Variants in NRG1 observed in about 807,000 individuals in gnomAD.
NRG1 encodes the protein pro-neuregulin-1, membrane-bound isoform.
In NRG1, 18 loss-of-function variants were observed where a neutral mutation model predicts 63.8. That is an observed-to-expected ratio of 0.28 (90% CI 0.19 to 0.42). NRG1 has a LOEUF of 0.42. Ranked by LOEUF, NRG1 falls within the 10% of genes least tolerant of loss-of-function variation. The pLI is 1.00. For missense variants in NRG1, 762 were observed against 814.7 expected, an observed-to-expected ratio of 0.94 and a Z score of 0.79; for synonymous variants, 302 against 301.3, an observed-to-expected ratio of 1.00 and a Z score of -0.02.
intron 1 of NRG1, among the ~76,000 whole-genome samples, chr8:32,020,246 T>C (rs886545358): frequency 6.6e-6 from 1 of 152,222 alleles, no homozygotes; most frequent in African/African-American, 2.4e-5. Context: ...TCCTAAGTAT[T>C]TGTTTTTGAT....
At chr8:32,474,663 TTG>T (rs996165149) in intron 1 of NRG1, among the ~76,000 whole-genome samples, 14 of 151,778 alleles carry the variant, frequency 9.2e-5, no homozygotes, top group South Asian at 2.1e-4. Context: ...TAGCTAATTT[TTG>T]TGTGTGTGTG....
intron 1 of NRG1, among the ~76,000 whole-genome samples, chr8:32,516,554 C>G (rs1588077300): frequency 6.6e-6 from 1 of 152,142 alleles, no homozygotes; most frequent in South Asian, 2.1e-4. Context: ...TCTTCCAATC[C>G]ATGAACATGG....
rs567237285 is a variant in NRG1, at chr8:31,842,932, T to C, written c.37+203501T>C. Reference sequence around the variant, plus strand: ...CAGTCCCACCAAACCCTGGATTTCATAGGATGTCCCAGACAATGAGAAATG... The same window carrying C: ...CAGTCCCACCAAACCCTGGATTTCACAGGATGTCCCAGACAATGAGAAATG... On this transcript the variant is annotated intron_variant, in intron 1 of 10. Transcript: ENST00000519301. 1.2e-4 allele frequency among the ~76,000 whole-genome samples: 19 copies of C among 152,272 alleles called. No individual in the cohort carries two copies. The East Asian group carries it at 3.1e-3, about 25-fold the overall frequency.
intron 1 of NRG1, among the ~76,000 whole-genome samples, chr8:31,897,239 A>G (rs1278990502): frequency 6.6e-6 from 1 of 152,092 alleles, no homozygotes; most frequent in Non-Finnish European, 1.5e-5. Flanking sequence ...GGGGAGTAGG[A>G]CATGCCTCAA....
At position 31,948,790 on chromosome 8, in the gene NRG1, C is replaced by A. The variant is rs577298003; in HGVS notation, c.37+309359C>A. ...CTTGGCAGCCTGTAGGTGATTCATG[C>A]CACGAGAAGCCTTTCCCCTGCCCCC... On this transcript the variant is annotated intron_variant, in intron 1 of 10. Coordinates refer to the NRG1 transcript ENST00000519301. Among the ~76,000 whole-genome samples, 3 of 152,140 alleles carry A rather than the reference C, an allele frequency of 2.0e-5. No individual in the cohort carries two copies. The East Asian group carries it at 5.8e-4, about 30-fold the overall frequency.
intron 5 of NRG1, among the ~76,000 whole-genome samples, chr8:32,680,087 A>G (rs765814451): frequency 2.0e-5 from 3 of 152,192 alleles, no homozygotes; most frequent in Non-Finnish European, 4.4e-5. Flanking sequence ...AATTAAAGTA[A>G]TGAGTTGAAT....
chr8:31,851,347 T>A (rs1387835731), intron 1 of NRG1, among the ~76,000 whole-genome samples: 1 of 152,188 alleles, frequency 6.6e-6, no homozygotes, highest in South Asian at 2.1e-4. Context: ...TCTGTAAAAA[T>A]TGGACACCAT....
intron 1 of NRG1, among the ~76,000 whole-genome samples, chr8:32,570,052 C>G (rs995135503): frequency 2.6e-5 from 4 of 151,772 alleles, no homozygotes; most frequent in African/African-American, 4.8e-5. Flanking sequence ...GGATTACAGG[C>G]ACACACCATC....
intron 1 of NRG1, among the ~76,000 whole-genome samples, chr8:32,045,950 T>C (rs947716260): frequency 3.3e-5 from 5 of 152,030 alleles, no homozygotes; most frequent in African/African-American, 1.2e-4. Context: ...AATTGGACTT[T>C]ATACAAATTT....
chr8:32,420,240 G>T (rs1018261921), intron 1 of NRG1, among the ~76,000 whole-genome samples: 1 of 152,120 alleles, frequency 6.6e-6, no homozygotes, highest in African/African-American at 2.4e-5. Flanking sequence ...CTTAATGGTG[G>T]CTTGTGGCTC....
intron 1 of NRG1, among the ~76,000 whole-genome samples, chr8:31,720,116 C>T (rs923909780): frequency 2.0e-5 from 3 of 151,926 alleles, no homozygotes; most frequent in Non-Finnish European, 4.4e-5. Context: ...TAATTTAACG[C>T]TTGTTTGTAT....
At chr8:32,255,550 C>T (rs1309168316) in intron 1 of NRG1, among the ~76,000 whole-genome samples, 1 of 152,182 alleles carries the variant, frequency 6.6e-6, no homozygotes, top group Non-Finnish European at 1.5e-5. Context: ...AGGGTTTCTG[C>T]AGAGAATTCC....
At chr8:32,553,555 A>C (rs929537816) in intron 1 of NRG1, among the ~76,000 whole-genome samples, 1 of 152,144 alleles carries the variant, frequency 6.6e-6, no homozygotes. Flanking sequence ...GGTGCAACAT[A>C]ATTTTATCTC....
intron 1 of NRG1, among the ~76,000 whole-genome samples, chr8:32,049,432 TTTTA>T (rs1430567228): frequency 3.3e-5 from 5 of 152,136 alleles, no homozygotes; most frequent in Non-Finnish European, 5.9e-5. Context: ...ACACTTGTTG[TTTTA>T]TTTATTTTTC....
chr8:31,643,503 T>C (rs1171526721), intron 1 of NRG1, among the ~76,000 whole-genome samples: 1 of 152,192 alleles, frequency 6.6e-6, no homozygotes, highest in Non-Finnish European at 1.5e-5. Context: ...TCCGGAATAA[T>C]GTCGATAAAA....
intron 1 of NRG1, among the ~76,000 whole-genome samples, chr8:31,649,657 A>G (rs1296504329): frequency 6.6e-6 from 1 of 152,226 alleles, no homozygotes; most frequent in African/African-American, 2.4e-5. Flanking sequence ...TTAGAAATAA[A>G]GAATTGAGTA....
chr8:32,183,562 C>A (rs1365175098), intron 1 of NRG1, among the ~76,000 whole-genome samples: 1 of 152,134 alleles, frequency 6.6e-6, no homozygotes, highest in East Asian at 1.9e-4. Flanking sequence ...CTGGGGCCTC[C>A]CACCAATATT....
intron 1 of NRG1, among the ~76,000 whole-genome samples, chr8:32,474,706 A>C (rs1824283116): frequency 6.6e-6 from 1 of 151,744 alleles, no homozygotes; most frequent in Non-Finnish European, 1.5e-5. Context: ...GGGTTTCACC[A>C]TGTTGGCCGG....
At chr8:31,683,843 G>A (rs1808594645) in intron 1 of NRG1, among the ~76,000 whole-genome samples, 1 of 152,054 alleles carries the variant, frequency 6.6e-6, no homozygotes, top group Admixed American at 6.6e-5. Context: ...ATGTTGCTGT[G>A]AACCTGAAAC....
Sources: gnomAD v4.1 joint callset for allele counts (sites outside exome capture counted in the v4.1 genomes callset) on GRCh38, gnomAD v4.1.1 for gene constraint, MANE v1.5 for transcripts, NCBI Gene and HGNC (gene_info 2026-07-23, HGNC 2026-07-21) for gene names.